The following HMCN1 variants were observed in gnomAD, a reference collection of about 807,000 sequenced individuals.
The protein encoded by HMCN1 is hemicentin-1.
A neutral mutation model predicts 625.9 loss-of-function variants in HMCN1; 321 were observed. The observed-to-expected ratio is 0.51, with a 90% CI of 0.47 to 0.56. HMCN1 has a LOEUF of 0.56. HMCN1 is among the 20% of genes least tolerant of loss of function. The pLI is 0.00. For synonymous variants in HMCN1, 2,425 were observed against 2,417.6 expected, an observed-to-expected ratio of 1.00 and a Z score of -0.09; for missense variants, 6,588 against 6,887.3, an observed-to-expected ratio of 0.96 and a Z score of 1.54.
chr1:186,053,578 G>A (rs1406082529), intron 43 of HMCN1, among the ~76,000 whole-genome samples: 2 of 151,920 alleles, frequency 1.3e-5, no homozygotes, highest in African/African-American at 2.4e-5. Flanking sequence ...TGAATTCTGC[G>A]TTTGACCAGA....
chr1:185,827,391 A>G (rs976328191), intron 1 of HMCN1, among the ~76,000 whole-genome samples: 1 of 152,114 alleles, frequency 6.6e-6, no homozygotes, highest in Admixed American at 6.5e-5. Context: ...CCAATAAAAA[A>G]TAAAAGAACT....
intron 11 of HMCN1, among the ~76,000 whole-genome samples, chr1:185,939,104 C>T (rs1667960318): frequency 6.6e-6 from 1 of 152,116 alleles, no homozygotes; most frequent in South Asian, 2.1e-4. Flanking sequence ...ACAAAAAAAT[C>T]AAAATTGGAG....
chr1:185,772,954 G>T (rs777278453), intron 1 of HMCN1, among the ~76,000 whole-genome samples: 8 of 152,000 alleles, frequency 5.3e-5, no homozygotes, highest in Non-Finnish European at 8.8e-5. Context: ...GCATTAATTC[G>T]TTCATGAGGG....
chr1:185,861,688 G>A (rs1222445783), intron 2 of HMCN1, among the ~76,000 whole-genome samples: 1 of 152,146 alleles, frequency 6.6e-6, no homozygotes, highest in African/African-American at 2.4e-5. Context: ...TGTTGCACAT[G>A]ATAACCCTCC....
chr1:185,933,460 G>A, intron 10 of HMCN1, 89 bp from the exon 11 acceptor site: 1 of 1,277,048 alleles, frequency 7.8e-7, no homozygotes, highest in Non-Finnish European at 1.1e-6. Context: ...TGGATGTTCA[G>A]TACATACTTA....
chr1:186,177,517 G>GAAT (rs1237588343), intron 103 of HMCN1, among the ~76,000 whole-genome samples: 1 of 152,088 alleles, frequency 6.6e-6, no homozygotes, highest in Non-Finnish European at 1.5e-5. Flanking sequence ...AAACATGAAA[G>GAAT]GTCTTGGGCA....
Position 186,112,941 on chromosome 1 carries a change from C to A in HMCN1, c.11119C>A (p.Leu3707Ile). The A allele has an allele frequency of 1.2e-6, 2 of 1,613,942 alleles. No individual in the cohort carries two copies. Among genetic ancestry groups the A allele is most frequent in the Non-Finnish European group, 1.7e-6 (2 of 1,179,950 alleles). Residue 3707 changes from leucine (L) to isoleucine (I), a missense_variant, in exon 72 of 107, where the codon CTC becomes ATC. This residue lies in a region of HMCN1 where 4,628 missense variants were observed against 4,853.1 expected (regional missense o/e 0.95). Coordinates refer to ENST00000271588, the MANE Select transcript of HMCN1 (RefSeq NM_031935.3). ...AGGAAAGACTACAAGAGAATTTATT[C>A]TCACTGTAAATGGTAAGAAAAGGTA... ...IAGKTTREFI[L>I]TVNVPPNIKG...
chr1:186,059,455 T>C (rs1450816109), intron 46 of HMCN1, among the ~76,000 whole-genome samples: 2 of 151,892 alleles, frequency 1.3e-5, no homozygotes, highest in East Asian at 3.9e-4. Flanking sequence ...TTTACAGAAG[T>C]GGTGTTTTGG....
chr1:185,769,829 T>C (rs1656117333), intron 1 of HMCN1, among the ~76,000 whole-genome samples: 1 of 152,276 alleles, frequency 6.6e-6, no homozygotes, highest in African/African-American at 2.4e-5. Context: ...TCTTGTGGGC[T>C]CCCATCATCA....
At chr1:185,770,238 T>C (rs1656148573) in intron 1 of HMCN1, among the ~76,000 whole-genome samples, 1 of 152,168 alleles carries the variant, frequency 6.6e-6, no homozygotes, top group South Asian at 2.1e-4. Flanking sequence ...GTGTTTGTGA[T>C]GAATACTGAA....
intron 48 of HMCN1, among the ~76,000 whole-genome samples, chr1:186,064,371 A>G (rs538424659): frequency 1.3e-5 from 2 of 152,212 alleles, no homozygotes; most frequent in African/African-American, 4.8e-5. Flanking sequence ...TAATTAATAT[A>G]TTTTTATCTC....
rs1347386887 is a variant in HMCN1 at position 186,178,455 on chromosome 1, A to G, written c.15983A>G (p.His5328Arg). The change falls in exon 104 of 107, where the codon CAT becomes CGT. Residue 5328 changes from histidine (H) to arginine (R), a missense_variant. His to Arg is a conservative substitution (Grantham distance 29, BLOSUM62 0). Around this residue, in one of 3 missense-constraint regions of HMCN1, gnomAD observed 1,954 missense variants for 2,013.1 expected, o/e 0.97. Transcript: ENST00000271588. ...GAACAAGTGCCTAAACCTTGTGCAC[A>G]TCAGTGCTCCAACACCCCCGGCAGC... ...ECEQVPKPCAHQCSNTPGSFK... is the reference protein window; with the variant it reads ...ECEQVPKPCARQCSNTPGSFK... 2 of 1,614,114 alleles carry G rather than the reference A, an allele frequency of 1.2e-6. No individual in the cohort carries two copies. Among genetic ancestry groups the G allele is most frequent in the Admixed American group, 1.7e-5 (1 of 60,002 alleles).
At chr1:186,007,338 C>G in intron 30 of HMCN1, 56 bp downstream of exon 30, 1 of 1,504,950 alleles carries the variant, frequency 6.6e-7, no homozygotes. Context: ...AGTTGACAAG[C>G]AGGGTTTACT....
chr1:186,141,704 C>G (rs1649975530), intron 89 of HMCN1, among the ~76,000 whole-genome samples: 1 of 152,200 alleles, frequency 6.6e-6, no homozygotes, highest in South Asian at 2.1e-4. Flanking sequence ...TGTACTGTTC[C>G]TAGCACTTTT....
At chr1:185,971,882 A>T (rs1650858848) in intron 15 of HMCN1, among the ~76,000 whole-genome samples, 1 of 152,152 alleles carries the variant, frequency 6.6e-6, no homozygotes, top group Admixed American at 6.6e-5. Context: ...GGACACTGTA[A>T]CACGTGTTTG....
chr1:185,826,314 A>G (rs750343107), intron 1 of HMCN1, among the ~76,000 whole-genome samples: 6 of 152,218 alleles, frequency 3.9e-5, no homozygotes, highest in Non-Finnish European at 5.9e-5. Flanking sequence ...AAATTATCCA[A>G]AGCAACAAGG....
chr1:186,041,620 A>T (rs774029801), intron 40 of HMCN1, among the ~76,000 whole-genome samples: 26 of 152,174 alleles, frequency 1.7e-4, no homozygotes, highest in Non-Finnish European at 1.9e-4. Context: ...GTTTTTGCCC[A>T]CTCTCAATGC....
intron 81 of HMCN1, 136 bp downstream of exon 81, chr1:186,123,356 T>C: frequency 4.9e-6 from 5 of 1,011,744 alleles, no homozygotes; most frequent in Non-Finnish European, 7.5e-6. Flanking sequence ...GTGTGGTGTG[T>C]AGGTGCACTT....
intron 25 of HMCN1, among the ~76,000 whole-genome samples, chr1:185,999,000 T>G (rs1337020499): frequency 6.6e-6 from 1 of 152,110 alleles, no homozygotes; most frequent in Non-Finnish European, 1.5e-5. Context: ...CATTATACTA[T>G]GAGCACAATT....
Sources: allele counts gnomAD v4.1 joint callset (sites outside exome capture counted in the v4.1 genomes callset), GRCh38; gene constraint gnomAD v4.1.1; regional missense constraint gnomAD v4.1.1; transcripts MANE v1.5; gene names NCBI Gene and HGNC (gene_info 2026-07-23, HGNC 2026-07-21).